The following ZNF790 variants were observed in gnomAD, a reference collection of about 807,000 sequenced individuals.
The protein encoded by ZNF790 is zinc finger protein 790.
A neutral mutation model predicts 12.1 loss-of-function variants in ZNF790; 8 were observed. The observed-to-expected ratio is 0.66, with a 90% confidence interval of 0.39 to 1.19. The LOEUF (loss-of-function observed/expected upper bound fraction) is 1.19, where lower values mean the gene tolerates loss of function less well. ZNF790 is among the 50% of genes most tolerant of loss of function. ZNF790 has a pLI of 0.01. For synonymous variants in ZNF790, 252 were observed against 244.3 expected (o/e 1.03, Z -0.29); for missense variants, 707 against 752.2 (o/e 0.94, Z 0.70).
chr19:36,842,815 C>G (rs1003616029), upstream of ZNF790, among the ~76,000 whole-genome samples: 1 of 151,712 alleles, frequency 6.6e-6, no homozygotes, highest in African/African-American at 2.4e-5. Context: ...AGCAGCCTGG[C>G]CAACATGGTG....
upstream of ZNF790, among the ~76,000 whole-genome samples, chr19:36,839,233 CAGTA>C (rs2072107034): frequency 6.6e-6 from 1 of 152,132 alleles, no homozygotes; most frequent in African/African-American, 2.4e-5. Context: ...TAATTTTTTT[CAGTA>C]CTTTCAAACT....
At chr19:36,842,221 A>G (rs1486279019), upstream of ZNF790, among the ~76,000 whole-genome samples, 6 of 152,230 alleles carry the variant, frequency 3.9e-5, no homozygotes, top group Admixed American at 2.6e-4. Context: ...TGTAAATCAT[A>G]TATCAGGCAG....
chr19:36,848,715 A>G (rs1306428576), intron 1 of ZNF790, among the ~76,000 whole-genome samples: 1 of 152,136 alleles, frequency 6.6e-6, no homozygotes, highest in Non-Finnish European at 1.5e-5. Context: ...AAGGGAGAAG[A>G]CAGAAGGAAG....
At chr19:36,823,509 G>T in intron 3 of ZNF790, 129 bp from the exon 4 acceptor site, 2 of 1,242,236 alleles carry the variant, frequency 1.6e-6, no homozygotes, top group Non-Finnish European at 1.1e-6. Context: ...CTATGGGAAA[G>T]ATGGAAGTGC....
intron 1 of ZNF790, among the ~76,000 whole-genome samples, chr19:36,848,956 G>A (rs188859774): frequency 6.6e-6 from 1 of 152,116 alleles, no homozygotes; most frequent in African/African-American, 2.4e-5. Flanking sequence ...ACCACGCCCA[G>A]CTAATTTTGT....
chr19:36,825,855 C>T (rs561739161), intron 1 of ZNF790, among the ~76,000 whole-genome samples, 163 bp from the exon 2 acceptor site: 3 of 152,220 alleles, frequency 2.0e-5, no homozygotes, highest in East Asian at 1.9e-4. Flanking sequence ...AAGTTTCAGT[C>T]GAATCACTTA....
At chr19:36,847,024 AC>A (rs1252005826) in intron 1 of ZNF790, among the ~76,000 whole-genome samples, 4 of 149,204 alleles carry the variant, frequency 2.7e-5, no homozygotes, top group Non-Finnish European at 6.0e-5. Context: ...GGGTCCTAAA[AC>A]CCTTGTAGTT....
chr19:36,834,850 G>C (rs557516806), intron 1 of ZNF790, among the ~76,000 whole-genome samples: 5 of 152,180 alleles, frequency 3.3e-5, no homozygotes, highest in Admixed American at 6.5e-5. Flanking sequence ...CATATTACAA[G>C]GCAAATACAA....
At chr19:36,829,132 T>C (rs75045076) in intron 1 of ZNF790, among the ~76,000 whole-genome samples, 2,254 of 152,264 alleles carry the variant, frequency 0.015, 46 homozygotes, top group African/African-American at 0.05. Flanking sequence ...TATTGAAATA[T>C]AATTCACATA....
At chr19:36,820,235 C>T in intron 4 of ZNF790, 121 bp from the exon 5 acceptor site, 2 of 1,053,530 alleles carry the variant, frequency 1.9e-6, no homozygotes, top group Non-Finnish European at 2.6e-6. Flanking sequence ...TTAGAAAATT[C>T]TCAAATATGA....
At chr19:36,843,867 G>C (rs1403930584) in intron 1 of ZNF790, among the ~76,000 whole-genome samples, 1 of 151,848 alleles carries the variant, frequency 6.6e-6, no homozygotes, top group Non-Finnish European at 1.5e-5. Flanking sequence ...AATTAGCCGG[G>C]CATGGTGGCA....
At chr19:36,823,096 C>G (rs2071712514) in intron 4 of ZNF790, among the ~76,000 whole-genome samples, 189 bp downstream of exon 4, 1 of 152,018 alleles carries the variant, frequency 6.6e-6, no homozygotes, top group Non-Finnish European at 1.5e-5. Context: ...CCAGGCTGGT[C>G]TTAAACTCCT....
intron 1 of ZNF790, among the ~76,000 whole-genome samples, chr19:36,837,005 TGTTTCTCACACTCAA>T (rs56137055): frequency 0.16 from 24,278 of 152,100 alleles, 2,050 homozygotes; most frequent in Non-Finnish European, 0.19. Flanking sequence ...CGGGTAAGTT[TGTTTCTCACACTCAA>T]GAAATCATCT....
chr19:36,834,433 A>G (rs1027499720), intron 1 of ZNF790, among the ~76,000 whole-genome samples: 1 of 152,174 alleles, frequency 6.6e-6, no homozygotes, highest in African/African-American at 2.4e-5. Context: ...TCCCAAAGGA[A>G]GATATCCAAA....
At chr19:36,835,746 G>C (rs2072032780) in intron 1 of ZNF790, among the ~76,000 whole-genome samples, 1 of 151,622 alleles carries the variant, frequency 6.6e-6, no homozygotes, top group Admixed American at 6.6e-5. Context: ...GTTTTCTTAT[G>C]TTTTCCAGCT....
At chr19:36,839,231 T>C (rs1247406878), upstream of ZNF790, among the ~76,000 whole-genome samples, 1 of 152,260 alleles carries the variant, frequency 6.6e-6, no homozygotes, top group Non-Finnish European at 1.5e-5. Flanking sequence ...AGTAATTTTT[T>C]TCAGTACTTT....
chr19:36,847,770 G>C (rs1289121247), intron 1 of ZNF790, among the ~76,000 whole-genome samples: 1 of 151,862 alleles, frequency 6.6e-6, no homozygotes, highest in African/African-American at 2.4e-5. Flanking sequence ...AAAAGAAGTG[G>C]AGCCCTTAGG....
intron 1 of ZNF790, among the ~76,000 whole-genome samples, chr19:36,835,467 G>T (rs774837945): frequency 2.6e-5 from 4 of 152,124 alleles, no homozygotes; most frequent in Non-Finnish European, 4.4e-5. Flanking sequence ...TATTGGTGAA[G>T]TGGGGACCTA....
chr19:36,823,667 C>T lies in ZNF790; in HGVS notation c.133G>A (p.Gly45Ser). ...LENYSNMVSL[G>S]FCIYQPEAFS... ...TTCTAAGGAAAATGCTGAATCTTAC[C>T]CAGTGAGACCATGTTGCTGTAGTTC... The change falls in exon 3 of 5, where the codon GGT (glycine) becomes AGT (serine). Residue 45 changes from glycine (G) to serine (S), a missense_variant and splice_region_variant. By Grantham distance (56) the Gly-to-Ser change is moderately conservative. Coordinates refer to ENST00000356725, the MANE Select transcript of ZNF790 (RefSeq NM_206894.4). 6.2e-7 allele frequency: 1 copy of T among 1,602,534 alleles called. No homozygotes were observed. The highest frequency in any genetic ancestry group is 8.5e-7 in the Non-Finnish European group (1 of 1,177,482).
Sources: allele counts gnomAD v4.1 joint callset (sites outside exome capture counted in the v4.1 genomes callset), GRCh38; gene constraint gnomAD v4.1.1; transcripts MANE v1.5; gene names NCBI Gene and HGNC (gene_info 2026-07-23, HGNC 2026-07-21).